TRIM9: variants seen among roughly 807,000 people sequenced by gnomAD.
TRIM9 encodes E3 ubiquitin-protein ligase TRIM9.
TRIM9 carries 26 observed loss-of-function variants against 78.3 expected under a neutral mutation model. That is an observed-to-expected ratio of 0.33 (90% CI 0.24 to 0.46). TRIM9 has a LOEUF of 0.46. TRIM9 is among the 20% of genes least tolerant of loss of function. The probability of loss-of-function intolerance (pLI) is 1.00; values close to 1 mark genes in which losing one functional copy is unlikely to be tolerated. For missense variants in TRIM9, 787 were observed against 1,036.4 expected (o/e 0.76, Z 3.30); for synonymous variants, 398 against 416.5 (o/e 0.96, Z 0.54).
At chr14:50,982,851 G>T in intron 10 of TRIM9, 91 bp downstream of exon 10, 1 of 1,220,930 alleles carries the variant, frequency 8.2e-7, no homozygotes, top group Non-Finnish European at 1.2e-6. Flanking sequence ...TCACACTCGA[G>T]AGATGTAATT....
At chr14:51,070,693 A>G (rs764179816) in intron 1 of TRIM9, among the ~76,000 whole-genome samples, 5 of 152,236 alleles carry the variant, frequency 3.3e-5, no homozygotes, top group Non-Finnish European at 5.9e-5. Context: ...TGCACTGGGA[A>G]TAACAGGGAT....
At chr14:51,014,924 G>T (rs545056293) in intron 3 of TRIM9, among the ~76,000 whole-genome samples, 35 of 152,240 alleles carry the variant, frequency 2.3e-4, no homozygotes, top group African/African-American at 7.9e-4. Context: ...GACACAAACA[G>T]GGCCTAGGAG....
At chr14:51,045,857 T>A (rs1377219100) in intron 1 of TRIM9, among the ~76,000 whole-genome samples, 2 of 152,066 alleles carry the variant, frequency 1.3e-5, no homozygotes, top group African/African-American at 4.8e-5. Flanking sequence ...AGCAACAGTA[T>A]GCGCAAGGAG....
At chr14:51,040,418 G>A (rs1441613220) in intron 1 of TRIM9, among the ~76,000 whole-genome samples, 1 of 152,112 alleles carries the variant, frequency 6.6e-6, no homozygotes, top group African/African-American at 2.4e-5. Flanking sequence ...CCGACATCTA[G>A]TCCCATGGTA....
chr14:51,027,490 C>A (rs1202782770), intron 1 of TRIM9, among the ~76,000 whole-genome samples: 1 of 151,340 alleles, frequency 6.6e-6, no homozygotes, highest in Non-Finnish European at 1.5e-5. Context: ...CACACAAACA[C>A]CTGCTGACTG....
Position 50,979,501 on chromosome 14 carries a change from G to A in TRIM9, c.2211C>T (p.Asp737=). 1.9e-6 allele frequency: 3 copies of A among 1,614,152 alleles called. No individual in the cohort carries two copies. Among genetic ancestry groups the A allele is most frequent in the Non-Finnish European group, 2.5e-6 (3 of 1,180,024 alleles). The part of the protein sequence containing the change: ...TKGATIGVLL[D]LNRKNLTFFI... The stretch of plus-strand genomic sequence containing the variant: ...AAAATGTCAAGTTTTTTCTATTTAA[G>A]TCGAGGAGGACCCCAATTGTGGCCC... The change falls in exon 12 of 13, where the codon GAC becomes GAT. Residue 737 remains aspartate, a synonymous_variant. Transcript: ENST00000684578.
intron 5 of TRIM9, among the ~76,000 whole-genome samples, chr14:51,008,746 A>G (rs1366026494): frequency 6.6e-6 from 1 of 152,172 alleles, no homozygotes; most frequent in East Asian, 1.9e-4. Context: ...CCTGATTTAT[A>G]TCAATATTTC....
At position 51,075,216 on chromosome 14, in the gene TRIM9, C is replaced by T. The variant is rs2062658258; in HGVS notation, c.822+18902G>A. On this transcript the variant is annotated intron_variant, in intron 1 of 12. Transcript: ENST00000684578. ...CAAATAGGGACCTCAAATTGCATCT[C>T]CAAGTTTGTCTACCCTATTTAGCCA... Among the ~76,000 whole-genome samples, 3 of 152,160 alleles carry T rather than the reference C, an allele frequency of 2.0e-5. No individual in the cohort carries two copies. The South Asian group carries it at 6.2e-4, about 32-fold the overall frequency.
At chr14:51,081,921 CTTG>C (rs1283802273) in intron 1 of TRIM9, among the ~76,000 whole-genome samples, 2 of 152,212 alleles carry the variant, frequency 1.3e-5, no homozygotes, top group Non-Finnish European at 2.9e-5. Flanking sequence ...CTTTCCAAAT[CTTG>C]TTGTTCAAGA....
chr14:51,003,230 G>A (rs1388361018), intron 5 of TRIM9, among the ~76,000 whole-genome samples: 1 of 151,204 alleles, frequency 6.6e-6, no homozygotes, highest in African/African-American at 2.4e-5. Context: ...TATTTACTAC[G>A]GAAGATAAAT....
chr14:51,030,856 A>C (rs1027901876), intron 1 of TRIM9, among the ~76,000 whole-genome samples: 4 of 151,968 alleles, frequency 2.6e-5, no homozygotes, highest in Non-Finnish European at 5.9e-5. Context: ...GGTTATAAGA[A>C]AGATTCGAGG....
intron 3 of TRIM9, among the ~76,000 whole-genome samples, chr14:51,017,135 G>A (rs1007216169): frequency 6.6e-6 from 1 of 152,074 alleles, no homozygotes; most frequent in African/African-American, 2.4e-5. Flanking sequence ...TCATTGTCAC[G>A]TTCACTAAAA....
intron 1 of TRIM9, among the ~76,000 whole-genome samples, chr14:51,061,065 G>A (rs946147020): frequency 2.0e-5 from 3 of 152,040 alleles, no homozygotes; most frequent in African/African-American, 7.2e-5. Context: ...TGTCCTTAAT[G>A]GCATTCCTAC....
intron 1 of TRIM9, among the ~76,000 whole-genome samples, chr14:51,031,228 C>A (rs146885155): frequency 6.6e-6 from 1 of 151,614 alleles, no homozygotes; most frequent in African/African-American, 2.4e-5. Context: ...TAGCCAGGGT[C>A]CTCTGAGCCC....
At position 50,990,676 on chromosome 14, in the gene TRIM9, G is replaced by C. The variant is rs138253295; in HGVS notation, c.1604-4532C>G. On this transcript the variant is annotated intron_variant, in intron 7 of 12. Transcript: ENST00000684578. ...CAGTGCCCTCTGTGTCCTGGTAGAA[G>C]TCTGGGTTGTCCTCCTGTCTGGCAG... Among the ~76,000 whole-genome samples, 243 of 152,318 alleles carry C rather than the reference G, an allele frequency of 1.6e-3. 3 individuals carry two copies. Among genetic ancestry groups the C allele is most frequent in the Middle Eastern group, 6.8e-3 (2 of 294 alleles).
chr14:51,094,232 G>C lies in TRIM9; in HGVS notation c.708C>G (p.Asn236Lys). 1.2e-6 allele frequency: 2 copies of C among 1,614,228 alleles called. No homozygotes were observed. The highest frequency in any genetic ancestry group is 8.5e-7 in the Non-Finnish European group (1 of 1,180,036). ...TGCATTGCACGCAGTACATGCTGTG[G>C]TTCTCCAGCTCGTGGTCTGTGCAGG... Reference protein sequence around the residue: ...VSTCTDHELENHSMYCVQCKM... With the variant: ...VSTCTDHELEKHSMYCVQCKM... The change falls in exon 1 of 13, where the codon AAC becomes AAG. Residue 236 changes from asparagine (N) to lysine (K), a missense_variant. By Grantham distance (94) the Asn-to-Lys change is moderately conservative (BLOSUM62 0). Transcript: ENST00000684578.
chr14:51,008,017 G>C (rs1286879167), intron 5 of TRIM9, among the ~76,000 whole-genome samples: 1 of 152,160 alleles, frequency 6.6e-6, no homozygotes, highest in Non-Finnish European at 1.5e-5. Context: ...TGAATGCTAA[G>C]AGTCATTTAC....
rs1055772057 is a variant in TRIM9, at chr14:50,996,755, A to G, written c.1603+1295T>C. On this transcript the variant is annotated intron_variant, in intron 7 of 12. Coordinates refer to ENST00000684578, the MANE Select transcript of TRIM9 (RefSeq NM_001387360.1). ...CCCTGAGAGAAGGTGCTAAAATGAT[A>G]ATTCTGGGGGAAGCTGTAGCTACCA... The G allele has an allele frequency of 1.1e-5, 11 of 985,280 alleles. No homozygotes were observed. The African/African-American group carries it at 1.9e-4, about 17-fold the overall frequency. The allele number at this position is 985,280 out of a possible 1,614,324, so 61.0% of individuals were successfully genotyped here. A position where few individuals can be genotyped will look rare whatever the true frequency, so the allele number is the denominator to read the frequency against.
chr14:50,995,960 C>CTT, intron 7 of TRIM9: 1 of 311,902 alleles, frequency 3.2e-6, no homozygotes, highest in Non-Finnish European at 4.7e-6. Context: ...TCGATCATAT[C>CTT]TTTTTTTTTA....
Sources: allele counts gnomAD v4.1 joint callset (sites outside exome capture counted in the v4.1 genomes callset), GRCh38; gene constraint gnomAD v4.1.1; transcripts MANE v1.5; gene names NCBI Gene and HGNC (gene_info 2026-07-23, HGNC 2026-07-21).